Variants in ENOX1 observed in about 807,000 individuals in gnomAD.
The protein encoded by ENOX1 is ecto-NOX disulfide-thiol exchanger 1.
ENOX1 carries 42 observed loss-of-function variants against 82.5 expected under a neutral mutation model. The ratio of observed to expected loss-of-function variants is 0.51; its 90% CI spans 0.40 to 0.66. ENOX1 has a LOEUF of 0.66. Among genes scored for constraint, ENOX1 ranks in the 30% least tolerant of loss-of-function variants. The pLI is 0.00. For missense variants in ENOX1, 608 were observed against 811.6 expected (o/e 0.75, Z 3.05); for synonymous variants, 271 against 282.2 (o/e 0.96, Z 0.40).
At chr13:43,500,280 C>A (rs1475823688) in intron 2 of ENOX1, among the ~76,000 whole-genome samples, 1 of 152,018 alleles carries the variant, frequency 6.6e-6, no homozygotes, top group Admixed American at 6.6e-5. Flanking sequence ...CTAAAGAGTT[C>A]TAGGAGAAAT....
intron 3 of ENOX1, among the ~76,000 whole-genome samples, chr13:43,430,837 G>T (rs185816811): frequency 6.6e-6 from 1 of 152,098 alleles, no homozygotes; most frequent in South Asian, 2.1e-4. Context: ...ATTGCATTTC[G>T]TTTTATTTAA....
At chr13:43,565,477 T>C (rs1413329740) in intron 2 of ENOX1, among the ~76,000 whole-genome samples, 1 of 152,022 alleles carries the variant, frequency 6.6e-6, no homozygotes, top group Non-Finnish European at 1.5e-5. Context: ...TGGGGTTCTC[T>C]CTCATGGATC....
chr13:43,551,825 G>C (rs2079209005), intron 2 of ENOX1, among the ~76,000 whole-genome samples: 1 of 152,200 alleles, frequency 6.6e-6, no homozygotes, highest in African/African-American at 2.4e-5. Context: ...CCTCAGACAA[G>C]ATGAGGTTAT....
intron 1 of ENOX1, among the ~76,000 whole-genome samples, chr13:43,769,637 CA>C (rs1373167655): frequency 6.6e-6 from 1 of 152,174 alleles, no homozygotes; most frequent in East Asian, 1.9e-4. Context: ...CAGGGGCTCC[CA>C]AATAGTCTAT....
chr13:43,561,392 G>A lies in ENOX1; in HGVS notation c.-218-77240C>T, dbSNP rs1182938969. 7.2e-5 allele frequency among the ~76,000 whole-genome samples: 11 copies of A among 152,046 alleles called. No individual in the cohort carries two copies. In the South Asian group the frequency reaches 1.7e-3, roughly 23 times the overall value. ...CTCCTACTTGATAACTGTGTTACTC[G>A]GAGTCAGTTAACCTCTCAGAGCCTC... On this transcript the variant is annotated intron_variant, in intron 2 of 16. Coordinates refer to ENST00000690772, the MANE Select transcript of ENOX1 (RefSeq NM_001347969.2).
chr13:43,286,790 CA>C (rs1348182468), intron 12 of ENOX1, among the ~76,000 whole-genome samples: 2 of 152,178 alleles, frequency 1.3e-5, no homozygotes, highest in African/African-American at 2.4e-5. Context: ...ATAAAAGCTG[CA>C]TCTATGTTAC....
chr13:43,305,530 C>T lies in ENOX1; in HGVS notation c.1262-7000G>A, dbSNP rs187527488. Among the ~76,000 whole-genome samples the T allele has an allele frequency of 2.6e-3, 398 of 151,618 alleles. 2 individuals carry two copies. Among genetic ancestry groups the T allele is most frequent in the Non-Finnish European group, 4.2e-3 (282 of 67,834 alleles). On this transcript the variant is annotated intron_variant, in intron 11 of 16. Transcript: ENST00000690772. The stretch of plus-strand genomic sequence containing the variant: ...TTACGATGATGGCTTAAATGTGAGT[C>T]TGGAGGCACAATGGGCAGCAGGTGA...
intron 2 of ENOX1, among the ~76,000 whole-genome samples, chr13:43,660,423 G>A (rs2084661939): frequency 6.6e-6 from 1 of 152,068 alleles, no homozygotes; most frequent in Non-Finnish European, 1.5e-5. Flanking sequence ...ATTGAAATGG[G>A]GATTACTCTT....
intron 1 of ENOX1, among the ~76,000 whole-genome samples, chr13:43,742,837 T>C (rs1949815755): frequency 1.3e-5 from 2 of 152,192 alleles, no homozygotes; most frequent in South Asian, 2.1e-4. Flanking sequence ...TTGACTCTAA[T>C]ATTTTTGATT....
intron 1 of ENOX1, among the ~76,000 whole-genome samples, chr13:43,731,822 AC>A (rs1188477304): frequency 1.3e-5 from 2 of 152,220 alleles, no homozygotes; most frequent in African/African-American, 4.8e-5. Flanking sequence ...TTTTAGCAAA[AC>A]ATCACGATTT....
At chr13:43,695,424 T>C (rs2086584565) in intron 1 of ENOX1, among the ~76,000 whole-genome samples, 1 of 147,166 alleles carries the variant, frequency 6.8e-6, no homozygotes, top group South Asian at 2.2e-4. Context: ...ATTCTCCTTT[T>C]ACTTTTAAAA....
chr13:43,341,601 C>A (rs921967947), intron 9 of ENOX1, among the ~76,000 whole-genome samples: 10 of 152,138 alleles, frequency 6.6e-5, no homozygotes, highest in Admixed American at 2.0e-4. Flanking sequence ...AGTGAATATT[C>A]TCTAAATGCA....
chr13:43,447,341 T>A (rs1198035366), intron 3 of ENOX1, among the ~76,000 whole-genome samples: 2 of 152,152 alleles, frequency 1.3e-5, no homozygotes, highest in Non-Finnish European at 2.9e-5. Flanking sequence ...TATCTACTTT[T>A]CCAGCAGTGT....
chr13:43,396,289 C>T (rs1038668060), intron 5 of ENOX1, among the ~76,000 whole-genome samples: 2 of 152,198 alleles, frequency 1.3e-5, no homozygotes, highest in Non-Finnish European at 2.9e-5. Flanking sequence ...ACTCACATGG[C>T]TGTATGTGTG....
intron 11 of ENOX1, among the ~76,000 whole-genome samples, chr13:43,310,968 TG>T (rs1446598395): frequency 2.6e-5 from 4 of 151,970 alleles, no homozygotes; most frequent in African/African-American, 9.7e-5. Context: ...TTTAATGACC[TG>T]AAAGAACATC....
chr13:43,473,732 C>G (rs1235374269), intron 3 of ENOX1, among the ~76,000 whole-genome samples: 3 of 152,154 alleles, frequency 2.0e-5, no homozygotes, highest in Non-Finnish European at 4.4e-5. Flanking sequence ...TTGGCAATCT[C>G]CCTTCCTAGT....
In ENOX1 at chr13:43,213,869, A is replaced by C. The variant is rs1299656633; in HGVS notation, c.*121T>G. ...GAACGCCACAGATATAACTAAAGGC[A>C]GGCTTCGATGGCTCCACAAAGGTTG... On this transcript the variant is annotated 3_prime_UTR_variant, in exon 17 of 17. Coordinates refer to ENST00000690772, the MANE Select transcript of ENOX1 (RefSeq NM_001347969.2). 4 of 1,073,356 alleles carry C rather than the reference A, an allele frequency of 3.7e-6. No homozygotes were observed. The African/African-American group carries it at 6.4e-5, about 17-fold the overall frequency. The allele number at this position is 1,073,356 out of a possible 1,614,324, so 66.5% of individuals were successfully genotyped here. A position where few individuals can be genotyped will look rare whatever the true frequency, so the allele number is the denominator to read the frequency against.
intron 3 of ENOX1, among the ~76,000 whole-genome samples, chr13:43,439,148 C>G (rs1313640416): frequency 6.7e-6 from 1 of 149,324 alleles, no homozygotes; most frequent in Non-Finnish European, 1.5e-5. Flanking sequence ...CTCCCGGGTT[C>G]AAGCAATTCT....
intron 14 of ENOX1, among the ~76,000 whole-genome samples, chr13:43,236,968 T>C (rs2042581832): frequency 1.3e-5 from 2 of 152,248 alleles, no homozygotes; most frequent in South Asian, 2.1e-4. Flanking sequence ...TCTGCACAAG[T>C]GGCAAATTTG....
Sources: gnomAD v4.1 joint callset for allele counts (sites outside exome capture counted in the v4.1 genomes callset) on GRCh38, gnomAD v4.1.1 for gene constraint, MANE v1.5 for transcripts, NCBI Gene and HGNC (gene_info 2026-07-23, HGNC 2026-07-21) for gene names.